Variants in RASGRP3 observed in about 807,000 individuals in gnomAD.
The protein encoded by RASGRP3 is ras guanyl-releasing protein 3.
RASGRP3 carries 54 observed loss-of-function variants against 82.7 expected under a neutral mutation model. That is an observed-to-expected ratio of 0.65 (90% confidence interval 0.52 to 0.82). The LOEUF (loss-of-function observed/expected upper bound fraction) is 0.82. Ranked by LOEUF, RASGRP3 falls within the 40% of genes least tolerant of loss-of-function variation. The pLI, the probability that RASGRP3 is intolerant of heterozygous loss-of-function variation, is 0.00. For missense variants in RASGRP3, 861 were observed against 828.9 expected (o/e 1.04, Z -0.48); for synonymous variants, 309 against 300.5 (o/e 1.03, Z -0.29).
chr2:33,496,293 C>A (rs1051487811), intron 1 of RASGRP3, among the ~76,000 whole-genome samples: 1 of 152,212 alleles, frequency 6.6e-6, no homozygotes, highest in African/African-American at 2.4e-5. Flanking sequence ...AGTGTGTGGA[C>A]AGGAACTCTG....
At chr2:33,468,884 G>GTT (rs1259097574) in intron 2 of RASGRP3, among the ~76,000 whole-genome samples, 1 of 152,168 alleles carries the variant, frequency 6.6e-6, no homozygotes, top group African/African-American at 2.4e-5. Context: ...AACAGGAACT[G>GTT]CTGAGTTAAA....
At chr2:33,500,423 C>T (rs943453844) in intron 1 of RASGRP3, among the ~76,000 whole-genome samples, 2 of 151,886 alleles carry the variant, frequency 1.3e-5, no homozygotes, top group African/African-American at 2.4e-5. Flanking sequence ...CCAGGGGATA[C>T]GGGATGACAG....
intron 1 of RASGRP3, among the ~76,000 whole-genome samples, chr2:33,497,490 G>A (rs1351005502): frequency 6.6e-6 from 1 of 152,142 alleles, no homozygotes; most frequent in Non-Finnish European, 1.5e-5. Flanking sequence ...CAAAACTGCT[G>A]GTGGAAAAGT....
intron 1 of RASGRP3, among the ~76,000 whole-genome samples, chr2:33,501,384 C>A (rs1028060754): frequency 5.3e-5 from 8 of 152,130 alleles, no homozygotes; most frequent in Non-Finnish European, 1.5e-5. Context: ...CTGCTATGAA[C>A]ATTTTTCAAT....
chr2:33,558,202 A>G lies in RASGRP3; in HGVS notation c.1580-9A>G. 1 of 1,609,178 alleles carries G rather than the reference A, an allele frequency of 6.2e-7. No individual in the cohort carries two copies. Among genetic ancestry groups the G allele is most frequent in the Non-Finnish European group, 8.5e-7 (1 of 1,177,766 alleles). The stretch of plus-strand genomic sequence containing the variant: ...ACTAATCATCTGCGACACCCTTGGA[A>G]TTTTTCAGACTGTGGAGCCAATTGT... On this transcript the variant is annotated splice_polypyrimidine_tract_variant and intron_variant, in intron 15 of 17. Coordinates refer to ENST00000403687, the MANE Select transcript of RASGRP3 (RefSeq NM_001139488.2).
At chr2:33,519,249 T>C (rs934802086) in intron 4 of RASGRP3, among the ~76,000 whole-genome samples, 1 of 152,216 alleles carries the variant, frequency 6.6e-6, no homozygotes, top group Admixed American at 6.5e-5. Flanking sequence ...CAGTCCTTCA[T>C]TGACTGAAAC....
intron 12 of RASGRP3, among the ~76,000 whole-genome samples, chr2:33,542,524 C>A (rs531513084): frequency 5.4e-5 from 8 of 147,104 alleles, no homozygotes; most frequent in African/African-American, 1.9e-4. Flanking sequence ...TTTGAGATAA[C>A]ACCTTAAAAC....
chr2:33,441,449 G>C (rs1269146346), intron 1 of RASGRP3, among the ~76,000 whole-genome samples: 1 of 152,166 alleles, frequency 6.6e-6, no homozygotes, highest in African/African-American at 2.4e-5. Flanking sequence ...AGAAAACAAC[G>C]CTCAGCCCAG....
chr2:33,440,687 C>T lies in RASGRP3; in HGVS notation c.-385+4096C>T, dbSNP rs140786609. On this transcript the variant is annotated intron_variant, in intron 1 of 18. Coordinates refer to the RASGRP3 transcript ENST00000402538. ...TTCCTTATTTATTAACCTCCAGAAT[C>T]GTTTTTCCCCTTAGTGGCTCATTTT... Among the ~76,000 whole-genome samples, 55 of 152,216 alleles carry T rather than the reference C, an allele frequency of 3.6e-4. 1 individual carries two copies. The East Asian group carries it at 0.01, about 29-fold the overall frequency.
intron 1 of RASGRP3, among the ~76,000 whole-genome samples, chr2:33,446,035 T>C (rs944703907): frequency 6.6e-6 from 1 of 152,228 alleles, no homozygotes. Flanking sequence ...GGCTTTTATG[T>C]CTAATTTTAC....
At chr2:33,548,717 A>ATTT (rs1295472764) in intron 13 of RASGRP3, among the ~76,000 whole-genome samples, 3 of 151,882 alleles carry the variant, frequency 2.0e-5, no homozygotes, top group East Asian at 1.9e-4. Context: ...TATTATTATT[A>ATTT]TTTTTTGAGA....
intron 2 of RASGRP3, among the ~76,000 whole-genome samples, chr2:33,453,578 G>A (rs1256667613): frequency 6.6e-6 from 1 of 152,148 alleles, no homozygotes; most frequent in Non-Finnish European, 1.5e-5. Flanking sequence ...TTCAGAGTGA[G>A]AGATTCAAGA....
At chr2:33,441,247 A>C (rs1665210335) in intron 1 of RASGRP3, among the ~76,000 whole-genome samples, 2 of 151,142 alleles carry the variant, frequency 1.3e-5, no homozygotes, top group Non-Finnish European at 1.5e-5. Context: ...ATATGTCCCC[A>C]TTTCCCTTTC....
intron 1 of RASGRP3, among the ~76,000 whole-genome samples, chr2:33,505,343 C>T (rs375556138): frequency 3.3e-5 from 5 of 151,012 alleles, no homozygotes; most frequent in East Asian, 1.9e-4. Context: ...GCTCTTGTTA[C>T]CCAGGCTGGA....
intron 1 of RASGRP3, among the ~76,000 whole-genome samples, chr2:33,501,148 A>G (rs1047534230): frequency 6.6e-6 from 1 of 152,082 alleles, no homozygotes; most frequent in African/African-American, 2.4e-5. Flanking sequence ...TATTCTACAT[A>G]TTTTCTATAA....
At chr2:33,534,280 T>C (rs1480569594) in intron 10 of RASGRP3, 43 bp from the exon 11 acceptor site, 1 of 1,330,900 alleles carries the variant, frequency 7.5e-7, no homozygotes, top group East Asian at 2.4e-5. Context: ...AATAAATAAA[T>C]AAATGTAATC....
chr2:33,461,503 C>G (rs1221581844), intron 2 of RASGRP3, among the ~76,000 whole-genome samples: 1 of 152,222 alleles, frequency 6.6e-6, no homozygotes, highest in Non-Finnish European at 1.5e-5. Context: ...GTCTTGAACT[C>G]CCAAGCTCAA....
chr2:33,524,802 G>A (rs999123092), intron 9 of RASGRP3, among the ~76,000 whole-genome samples: 11 of 152,152 alleles, frequency 7.2e-5, no homozygotes, highest in Admixed American at 2.0e-4. Flanking sequence ...AGTGGTGGCC[G>A]GGCACGGTGG....
intron 1 of RASGRP3, among the ~76,000 whole-genome samples, chr2:33,479,747 G>T (rs1187159005): frequency 6.6e-6 from 1 of 152,054 alleles, no homozygotes; most frequent in Non-Finnish European, 1.5e-5. Flanking sequence ...TGGATTTTCT[G>T]GGTCATCAGA....
Sources: allele counts gnomAD v4.1 joint callset (sites outside exome capture counted in the v4.1 genomes callset), GRCh38; gene constraint gnomAD v4.1.1; transcripts MANE v1.5; gene names NCBI Gene and HGNC (gene_info 2026-07-23, HGNC 2026-07-21).